The following GRID1 variants were observed in gnomAD, a reference collection of about 807,000 sequenced individuals.
GRID1 encodes glutamate receptor ionotropic, delta-1.
In GRID1, 28 loss-of-function variants were observed where a neutral mutation model predicts 98.0. The ratio of observed to expected loss-of-function variants is 0.29; its 90% CI spans 0.21 to 0.39. The LOEUF (loss-of-function observed/expected upper bound fraction) is 0.39. Ranked by LOEUF, GRID1 falls within the 10% of genes least tolerant of loss-of-function variation. The pLI is 1.00. For synonymous variants in GRID1, 553 were observed against 538.5 expected, an observed-to-expected ratio of 1.03 and a Z score of -0.37; for missense variants, 1,111 against 1,340.5, an observed-to-expected ratio of 0.83 and a Z score of 2.67.
At chr10:86,065,058 C>A (rs1173450618) in intron 4 of GRID1, among the ~76,000 whole-genome samples, 2 of 152,320 alleles carry the variant, frequency 1.3e-5, no homozygotes, top group East Asian at 1.9e-4. Context: ...TCTCTTTGCA[C>A]GGGGTGCATG....
rs112704709 is a variant in GRID1, at chr10:85,908,388, T to A, written c.780+7798A>T. On this transcript the variant is annotated intron_variant, in intron 5 of 15. Transcript: ENST00000327946. ...GCAAAAATCAATTGCATTTGTATGT[T>A]CTACCAATGAACAACTGGAAATTAA... 4.3e-3 allele frequency among the ~76,000 whole-genome samples: 653 copies of A among 152,316 alleles called. 4 individuals are homozygous for A. Among genetic ancestry groups the A allele is most frequent in the African/African-American group, 0.015 (617 of 41,566 alleles).
chr10:86,065,459 C>T (rs757674152), intron 4 of GRID1, among the ~76,000 whole-genome samples: 7 of 152,258 alleles, frequency 4.6e-5, no homozygotes, highest in Non-Finnish European at 7.3e-5. Flanking sequence ...GGCTCCAGCA[C>T]AGCTGAGTCC....
intron 2 of GRID1, among the ~76,000 whole-genome samples, chr10:86,360,630 G>T (rs761074717): frequency 3.9e-5 from 6 of 152,306 alleles, no homozygotes; most frequent in Admixed American, 6.5e-5. Context: ...AGCTGAGATG[G>T]ATTCACAGTT....
chr10:86,251,112 G>A (rs187430929), intron 2 of GRID1, among the ~76,000 whole-genome samples: 1 of 152,178 alleles, frequency 6.6e-6, no homozygotes, highest in Non-Finnish European at 1.5e-5. Flanking sequence ...GGCGGTGCAA[G>A]TTGTGCTTTG....
chr10:86,166,131 T>C (rs888552630), intron 3 of GRID1, among the ~76,000 whole-genome samples: 2 of 152,186 alleles, frequency 1.3e-5, no homozygotes, highest in Admixed American at 1.3e-4. Context: ...TTTATTATTA[T>C]ACTTTAAGTT....
At chr10:85,622,433 G>A (rs192018981) in intron 13 of GRID1, among the ~76,000 whole-genome samples, 1 of 152,164 alleles carries the variant, frequency 6.6e-6, no homozygotes, top group Admixed American at 6.5e-5. Context: ...AATATAGACA[G>A]TCTTGCTATG....
intron 9 of GRID1, among the ~76,000 whole-genome samples, chr10:85,729,141 C>T (rs1302741661): frequency 1.3e-5 from 2 of 152,126 alleles, no homozygotes; most frequent in Non-Finnish European, 2.9e-5. Flanking sequence ...CCTCCTCCAG[C>T]ATCTATCTTG....
intron 4 of GRID1, among the ~76,000 whole-genome samples, chr10:85,931,255 T>G (rs1425737446): frequency 6.6e-6 from 1 of 151,570 alleles, no homozygotes; most frequent in East Asian, 2.0e-4. Flanking sequence ...GCCCTACCCC[T>G]CTACCCAGTG....
Position 85,693,836 on chromosome 10 carries a change from A to AG in GRID1, c.1997+29166dup, listed in dbSNP as rs1841360132. Among the ~76,000 whole-genome samples, 3 of 152,374 alleles carry AG rather than the reference A, an allele frequency of 2.0e-5. No individual in the cohort carries two copies. In the South Asian group the frequency reaches 6.2e-4, roughly 32 times the overall value. On this transcript the variant is annotated intron_variant, in intron 12 of 15. Coordinates refer to ENST00000327946, the MANE Select transcript of GRID1 (RefSeq NM_017551.3). ...AGACTGAAACTACAGAAATACTAGA[A>AG]GAAAACCAAGGGCAAACCAGACATT...
At chr10:85,755,296 G>C (rs1842086159) in intron 8 of GRID1, among the ~76,000 whole-genome samples, 1 of 152,224 alleles carries the variant, frequency 6.6e-6, no homozygotes, top group Non-Finnish European at 1.5e-5. Flanking sequence ...AATGGAGCCT[G>C]CTCCTGGGAT....
intron 8 of GRID1, among the ~76,000 whole-genome samples, chr10:85,852,147 C>T (rs1843064495): frequency 1.3e-5 from 2 of 152,174 alleles, no homozygotes; most frequent in Admixed American, 6.5e-5. Context: ...GATAACTTCC[C>T]CTTAGCAGCG....
chr10:85,675,764 A>T (rs1841137968), intron 12 of GRID1, among the ~76,000 whole-genome samples: 1 of 152,224 alleles, frequency 6.6e-6, no homozygotes, highest in Non-Finnish European at 1.5e-5. Context: ...TGTGACATTA[A>T]CCCACATAGA....
intron 4 of GRID1, among the ~76,000 whole-genome samples, chr10:86,039,875 G>T (rs1843321284): frequency 6.6e-6 from 1 of 152,200 alleles, no homozygotes; most frequent in Admixed American, 6.5e-5. Context: ...GAAGAGTCAG[G>T]TATAAATAAT....
At chr10:86,275,579 C>A (rs1376763102) in intron 2 of GRID1, among the ~76,000 whole-genome samples, 3 of 151,954 alleles carry the variant, frequency 2.0e-5, no homozygotes, top group Non-Finnish European at 4.4e-5. Flanking sequence ...AAAAGATTAA[C>A]ATTAATTTTT....
intron 8 of GRID1, among the ~76,000 whole-genome samples, chr10:85,792,728 G>C (rs982405477): frequency 1.3e-5 from 2 of 152,170 alleles, no homozygotes; most frequent in African/African-American, 4.8e-5. Context: ...TTCCTCTCAA[G>C]CTCGAAGCCT....
intron 2 of GRID1, among the ~76,000 whole-genome samples, chr10:86,213,948 T>G (rs1403520264): frequency 6.6e-6 from 1 of 152,116 alleles, no homozygotes; most frequent in African/African-American, 2.4e-5. Context: ...CCTGAATGCT[T>G]TATCTCCCAA....
chr10:85,824,120 A>G (rs953023757), intron 8 of GRID1, among the ~76,000 whole-genome samples: 3 of 152,240 alleles, frequency 2.0e-5, no homozygotes, highest in African/African-American at 7.2e-5. Flanking sequence ...TAAAATATGC[A>G]CAATGAAAGT....
intron 4 of GRID1, among the ~76,000 whole-genome samples, chr10:86,114,147 C>T (rs544275606): frequency 4.1e-4 from 62 of 151,956 alleles, no homozygotes; most frequent in African/African-American, 1.2e-3. Context: ...CAGGGTGGGG[C>T]GGGGGTGTCA....
At chr10:85,904,531 G>C (rs1412757489) in intron 5 of GRID1, among the ~76,000 whole-genome samples, 1 of 152,026 alleles carries the variant, frequency 6.6e-6, no homozygotes, top group African/African-American at 2.4e-5. Flanking sequence ...CTTCCAGAGG[G>C]TCCCCCATGA....
Sources: allele counts gnomAD v4.1 joint callset (sites outside exome capture counted in the v4.1 genomes callset), GRCh38; gene constraint gnomAD v4.1.1; transcripts MANE v1.5; gene names NCBI Gene and HGNC (gene_info 2026-07-23, HGNC 2026-07-21).